Variants in NF1 observed in about 807,000 individuals in gnomAD.
NF1 encodes neurofibromin.
A neutral mutation model predicts 325.7 loss-of-function variants in NF1; 122 were observed. The observed-to-expected ratio is 0.37, with a 90% CI of 0.32 to 0.44. The LOEUF is 0.44. Ranked by LOEUF, NF1 falls within the 20% of genes least tolerant of loss-of-function variation. The probability of loss-of-function intolerance (pLI) is 1.00; values close to 1 mark genes in which losing one functional copy is unlikely to be tolerated. For missense variants in NF1, 2,140 were observed against 3,415.4 expected (o/e 0.63, Z 9.31); for synonymous variants, 1,091 against 1,186.0 (o/e 0.92, Z 1.65).
chr17:31,119,304 G>A (rs1021335637), intron 1 of NF1, among the ~76,000 whole-genome samples: 2 of 151,712 alleles, frequency 1.3e-5, no homozygotes, highest in African/African-American at 4.8e-5. Context: ...TTTAATGATC[G>A]CCATTCTGAC....
intron 29 of NF1, among the ~76,000 whole-genome samples, chr17:31,248,272 T>C (rs1004210026): frequency 6.8e-6 from 1 of 146,822 alleles, no homozygotes; most frequent in Non-Finnish European, 1.5e-5. Context: ...TTTTTTCATA[T>C]GGGCATATAC....
At position 31,326,130 on chromosome 17, in the gene NF1, G is replaced by C. The variant is rs767469374; in HGVS notation, c.5146G>C (p.Ala1716Pro). 3 of 1,612,906 alleles carry C rather than the reference G, an allele frequency of 1.9e-6. No homozygotes were observed. Among genetic ancestry groups the C allele is most frequent in the East Asian group, 4.5e-5 (2 of 44,858 alleles). ...TTTCATAGACTGTCCTGGGAAACTG[G>C]CTGAGCACATAGAGCATGAACAACA... ...LVFIDCPGKL[A>P]EHIEHEQQKL... Residue 1716 changes from alanine to proline, a missense_variant, in exon 37 of 58, where the codon GCT (alanine) becomes CCT (proline). Coordinates refer to ENST00000358273, the MANE Select transcript of NF1 (RefSeq NM_001042492.3).
At chr17:31,229,718 C>A in intron 21 of NF1, 117 bp from the exon 22 acceptor site, 1 of 1,312,948 alleles carries the variant, frequency 7.6e-7, no homozygotes, top group Non-Finnish European at 1.1e-6. Context: ...GCTTATTTGG[C>A]TCTATGCCTG....
At chr17:31,345,344 G>A (rs1377406402) in intron 48 of NF1, among the ~76,000 whole-genome samples, 1 of 152,200 alleles carries the variant, frequency 6.6e-6, no homozygotes, top group East Asian at 1.9e-4. Flanking sequence ...CCGGCGCTGG[G>A]CTGAGGGGAG....
At position 31,326,184 on chromosome 17, in the gene NF1, G is replaced by T. The variant is rs2151538882; in HGVS notation, c.5200G>T (p.Glu1734Ter). ...QKLPAATLAL[E>*]EDLKVFHNAL... ...ACTACCTGCTGCCACCTTGGCTTTA[G>T]AAGAGGACCTGAAGGTATTCCACAA... Residue 1734 changes from glutamate (E) to a stop codon, truncating the protein, a stop_gained, in exon 37 of 58, where the codon GAA (glutamate) becomes TAA (stop). Transcript: ENST00000358273. LOFTEE classifies it high-confidence loss of function. 6.2e-7 allele frequency: 1 copy of T among 1,613,396 alleles called. No individual in the cohort carries two copies. Among genetic ancestry groups the T allele is most frequent in the Non-Finnish European group, 8.5e-7 (1 of 1,179,810 alleles).
chr17:31,308,922 G>T (rs2068800289), intron 36 of NF1, among the ~76,000 whole-genome samples: 1 of 152,136 alleles, frequency 6.6e-6, no homozygotes, highest in Admixed American at 6.5e-5. Flanking sequence ...CCTTGAACAA[G>T]ATTATAAAGA....
At chr17:31,279,164 C>T (rs1356486225) in intron 36 of NF1, among the ~76,000 whole-genome samples, 1 of 152,134 alleles carries the variant, frequency 6.6e-6, no homozygotes, top group Non-Finnish European at 1.5e-5. Context: ...AGTAGATCGC[C>T]TGACCCCAGG....
chr17:31,278,823 C>T (rs2068064882), intron 36 of NF1, among the ~76,000 whole-genome samples: 1 of 151,934 alleles, frequency 6.6e-6, no homozygotes, highest in Admixed American at 6.6e-5. Flanking sequence ...CCACATTGGC[C>T]AGGCTGGTCT....
intron 12 of NF1, among the ~76,000 whole-genome samples, chr17:31,213,809 A>C (rs1205360333): frequency 1.7e-4 from 26 of 152,196 alleles, no homozygotes; most frequent in Admixed American, 1.7e-3. Context: ...AACTTAAAAG[A>C]GGTGGAGTGC....
At position 31,375,826 on chromosome 17, in the gene NF1, C is replaced by T. The variant is rs982779118; in HGVS notation, c.*1671C>T. 4.3e-6 allele frequency: 1 copy of T among 232,212 alleles called. No homozygotes were observed. Among genetic ancestry groups the T allele is most frequent in the African/African-American group, 2.2e-5 (1 of 45,220 alleles). 14.4% of individuals were successfully genotyped at this position (232,212 alleles called of 1,614,324 possible). On this transcript the variant is annotated 3_prime_UTR_variant, in exon 58 of 58. Coordinates refer to ENST00000358273, the MANE Select transcript of NF1 (RefSeq NM_001042492.3). ...TGTAAATAAAATTGGTTTTGATACTCAGAAATAACAAGAATTTAATTTTTT... is the reference window on the plus strand; with the variant it reads ...TGTAAATAAAATTGGTTTTGATACTTAGAAATAACAAGAATTTAATTTTTT...
intron 36 of NF1, among the ~76,000 whole-genome samples, chr17:31,278,592 A>C (rs2068059625): frequency 8.2e-6 from 1 of 121,904 alleles, no homozygotes; most frequent in African/African-American, 3.0e-5. Context: ...CTCATGTCTC[A>C]TTCATTCATT....
In NF1 at chr17:31,358,585, A is replaced by G. The variant is rs2151585086; in HGVS notation, c.8076A>G (p.Glu2692=). Residue 2692 remains glutamate, a synonymous_variant, in exon 55 of 58, where the codon GAA becomes GAG. Transcript: ENST00000358273. The part of the protein sequence containing the change: ...HGIVQSVVYH[E]ESPPQYQTSY... ...TTGTGCAGAGTGTGGTGTACCATGAAGAATCCCCACCACAATACCAAACAT... is the reference window on the plus strand; with the variant it reads ...TTGTGCAGAGTGTGGTGTACCATGAGGAATCCCCACCACAATACCAAACAT... 1.2e-6 allele frequency: 2 copies of G among 1,614,074 alleles called. No individual in the cohort carries two copies. The highest frequency in any genetic ancestry group is 1.7e-6 in the Non-Finnish European group (2 of 1,179,930).
intron 36 of NF1, among the ~76,000 whole-genome samples, chr17:31,283,651 T>A (rs2068168330): frequency 6.6e-6 from 1 of 151,864 alleles, no homozygotes; most frequent in South Asian, 2.1e-4. Flanking sequence ...AAACACCATG[T>A]CTAGCTGATT....
At chr17:31,191,371 A>G (rs1298968907) in intron 8 of NF1, among the ~76,000 whole-genome samples, 3 of 152,222 alleles carry the variant, frequency 2.0e-5, no homozygotes, top group Non-Finnish European at 4.4e-5. Flanking sequence ...GCAAATTTGA[A>G]AACAGCCCAA....
intron 15 of NF1, 128 bp downstream of exon 15, chr17:31,222,057 TTTTA>T (rs1254746977): frequency 6.3e-6 from 8 of 1,278,076 alleles, no homozygotes; most frequent in African/African-American, 3.1e-5. Flanking sequence ...TGGTTTTGTA[TTTTA>T]TTTGACTTCA....
At chr17:31,134,889 T>C (rs1242057247) in intron 1 of NF1, among the ~76,000 whole-genome samples, 1 of 152,052 alleles carries the variant, frequency 6.6e-6, no homozygotes, top group African/African-American at 2.4e-5. Context: ...CCGTATAATA[T>C]TGGTTATGCA....
chr17:31,122,423 G>C (rs763427917), intron 1 of NF1, among the ~76,000 whole-genome samples: 24 of 152,212 alleles, frequency 1.6e-4, no homozygotes, highest in Non-Finnish European at 3.5e-4. Context: ...AATGGGCTTT[G>C]ATCCCAAAAG....
chr17:31,258,806 G>A (rs1016022296), intron 32 of NF1, among the ~76,000 whole-genome samples: 1 of 152,014 alleles, frequency 6.6e-6, no homozygotes, highest in Non-Finnish European at 1.5e-5. Flanking sequence ...TATTTTAAAA[G>A]TCATTAAACA....
intron 29 of NF1, among the ~76,000 whole-genome samples, chr17:31,236,599 C>T (rs1426152318): frequency 1.3e-5 from 2 of 148,880 alleles, no homozygotes; most frequent in African/African-American, 2.6e-5. Flanking sequence ...GCCACCACGC[C>T]CAGGTAATTT....
Sources: allele counts gnomAD v4.1 joint callset (sites outside exome capture counted in the v4.1 genomes callset), GRCh38; gene constraint gnomAD v4.1.1; transcripts MANE v1.5; gene names NCBI Gene and HGNC (gene_info 2026-07-23, HGNC 2026-07-21).